ALKBH5: variants seen among roughly 807,000 people sequenced by gnomAD.
ALKBH5 encodes the protein alkB homolog 5, RNA demethylase, also known as RNA demethylase ALKBH5.
Under a neutral mutation model 32.1 loss-of-function variants are expected in ALKBH5, and 2 were observed. The ratio of observed to expected loss-of-function variants is 0.06; its 90% CI spans 0.03 to 0.20. The LOEUF (loss-of-function observed/expected upper bound fraction) is 0.20, where lower values mean the gene tolerates loss of function less well. Among genes scored for constraint, ALKBH5 ranks in the 10% least tolerant of loss-of-function variants. The probability of loss-of-function intolerance (pLI) is 1.00; values close to 1 mark genes in which losing one functional copy is unlikely to be tolerated. For synonymous variants in ALKBH5, 300 were observed against 231.7 expected, an observed-to-expected ratio of 1.29 and a Z score of -2.68; for missense variants, 352 against 559.5, an observed-to-expected ratio of 0.63 and a Z score of 3.74.
Position 18,183,954 on chromosome 17 carries a change from C to G in ALKBH5, c.-290C>G. 3.3e-6 allele frequency: 2 copies of G among 608,814 alleles called. No individual in the cohort carries two copies. Among genetic ancestry groups the G allele is most frequent in the Non-Finnish European group, 6.1e-6 (2 of 329,186 alleles). The allele number at this position is 608,814 out of a possible 1,614,324, so 37.7% of individuals were successfully genotyped here. A position where few individuals can be genotyped will look rare whatever the true frequency, so the allele number is the denominator to read the frequency against. ...CTGGTCGGGAGTCGGGCCGCGTCTC[C>G]GCAGCAGCCCTCCGCGGCATGAGGC... is the stretch of plus-strand genomic sequence containing the variant. On this transcript the variant is annotated 5_prime_UTR_variant, in exon 1 of 4. Coordinates refer to ENST00000399138, the MANE Select transcript of ALKBH5 (RefSeq NM_017758.4).
At chr17:18,203,702 G>T (rs1031571605) in intron 2 of ALKBH5, among the ~76,000 whole-genome samples, 13 of 152,226 alleles carry the variant, frequency 8.5e-5, no homozygotes, top group Admixed American at 2.6e-4. Context: ...CTTTTAACAG[G>T]GGCATGTTCT....
chr17:18,205,280 G>A (rs529983110), intron 2 of ALKBH5, among the ~76,000 whole-genome samples: 34 of 152,294 alleles, frequency 2.2e-4, no homozygotes, highest in African/African-American at 7.9e-4. Flanking sequence ...CTGAATGGCA[G>A]TGCCAAAACT....
At position 18,186,156 on chromosome 17, in the gene ALKBH5, G is replaced by T. The variant is rs548256972; in HGVS notation, c.770+1143G>T. Among the ~76,000 whole-genome samples the T allele has an allele frequency of 2.0e-3, 311 of 152,338 alleles. 1 individual carries two copies. The highest frequency in any genetic ancestry group is 4.0e-3 in the Non-Finnish European group (269 of 68,022). Reference sequence around the variant, plus strand: ...ATGTTGGGGATGGCAGCAGAGCCTTGTAATGTCCAAGACGTCCTGGTGGGA... The same window carrying T: ...ATGTTGGGGATGGCAGCAGAGCCTTTTAATGTCCAAGACGTCCTGGTGGGA... On this transcript the variant is annotated intron_variant, in intron 1 of 3. Transcript: ENST00000399138.
Position 18,183,892 on chromosome 17 carries a change from A to C in ALKBH5, c.-352A>C. Reference sequence around the variant, plus strand: ...TGGCTGCCCGTGACGTCGTGCGGAGAGCTTTAAAGTGCGGGCCGGGCCGGG... The same window carrying C: ...TGGCTGCCCGTGACGTCGTGCGGAGCGCTTTAAAGTGCGGGCCGGGCCGGG... On this transcript the variant is annotated 5_prime_UTR_variant, in exon 1 of 4. Transcript: ENST00000399138. 1 of 435,448 alleles carries C rather than the reference A, an allele frequency of 2.3e-6. No homozygotes were observed. The allele number at this position is 435,448 out of a possible 1,614,324, so 27.0% of individuals were successfully genotyped here.
intron 2 of ALKBH5, among the ~76,000 whole-genome samples, chr17:18,201,895 G>C (rs2047243494): frequency 6.6e-6 from 1 of 152,076 alleles, no homozygotes; most frequent in Non-Finnish European, 1.5e-5. Context: ...TATACCTATA[G>C]TCCGAGCTAC....
intron 2 of ALKBH5, among the ~76,000 whole-genome samples, chr17:18,196,981 G>A (rs1263528428): frequency 6.6e-6 from 1 of 152,118 alleles, no homozygotes; most frequent in East Asian, 1.9e-4. Flanking sequence ...AATTTTTTCT[G>A]GTGCATCAAC....
At chr17:18,196,647 A>T (rs77428604) in intron 2 of ALKBH5, among the ~76,000 whole-genome samples, 1 of 152,236 alleles carries the variant, frequency 6.6e-6, no homozygotes. Context: ...ATATACTATC[A>T]ATGTAACTTA....
In ALKBH5 at chr17:18,193,577, T is replaced by G. The variant is rs766464308; in HGVS notation, c.771-1378T>G. Among the ~76,000 whole-genome samples the G allele has an allele frequency of 7.9e-5, 12 of 152,124 alleles. No homozygotes were observed. In the South Asian group the frequency reaches 1.9e-3, roughly 24 times the overall value. ...AAAAAAATTAAATAAAATAAAGGTT[T>G]GTTCTATCCCCAGCATGAGCTCAAA... On this transcript the variant is annotated intron_variant, in intron 1 of 3. Transcript: ENST00000399138.
Position 18,184,052 on chromosome 17 carries a change from C to T in ALKBH5, c.-192C>T. 1.5e-6 allele frequency: 1 copy of T among 677,602 alleles called. No homozygotes were observed. The highest frequency in any genetic ancestry group is 2.7e-6 in the Non-Finnish European group (1 of 374,710). 42.0% of individuals were successfully genotyped at this position (677,602 alleles called of 1,614,324 possible). A position where few individuals can be genotyped will look rare whatever the true frequency, so the allele number is the denominator to read the frequency against. On this transcript the variant is annotated 5_prime_UTR_variant, in exon 1 of 4. Transcript: ENST00000399138. ...AGAAGCCCCGTTGTCGCCACCGTTG[C>T]ATGACCCGCCGCTCCTGAGGCCCTA...
intron 2 of ALKBH5, among the ~76,000 whole-genome samples, chr17:18,201,629 G>C (rs1450996988): frequency 2.0e-5 from 3 of 152,120 alleles, no homozygotes; most frequent in African/African-American, 7.2e-5. Flanking sequence ...GTGGTAGCAT[G>C]CATCTGTAGT....
At chr17:18,187,835 G>A (rs773341463) in intron 1 of ALKBH5, among the ~76,000 whole-genome samples, 2 of 152,200 alleles carry the variant, frequency 1.3e-5, no homozygotes, top group Non-Finnish European at 2.9e-5. Flanking sequence ...CAGTGGTGCG[G>A]TGCAGATGGG....
At chr17:18,206,052 G>T (rs1374368884) in intron 2 of ALKBH5, among the ~76,000 whole-genome samples, 2 of 152,138 alleles carry the variant, frequency 1.3e-5, no homozygotes, top group African/African-American at 4.8e-5. Context: ...GCTCCCTTCT[G>T]TTCTGGCTTC....
At chr17:18,197,942 C>CT (rs1478138306) in intron 2 of ALKBH5, among the ~76,000 whole-genome samples, 1 of 152,168 alleles carries the variant, frequency 6.6e-6, no homozygotes, top group Non-Finnish European at 1.5e-5. Flanking sequence ...GTGGGGAACT[C>CT]TAAAGTATCT....
intron 1 of ALKBH5, among the ~76,000 whole-genome samples, chr17:18,190,772 C>A (rs2142472629): frequency 6.6e-6 from 1 of 152,154 alleles, no homozygotes; most frequent in South Asian, 2.1e-4. Flanking sequence ...TCCACAAGGC[C>A]AGATGGAATA....
chr17:18,184,543 C>T lies in ALKBH5; in HGVS notation c.300C>T (p.Cys100=). The T allele has an allele frequency of 1.2e-6, 2 of 1,613,308 alleles. No individual in the cohort carries two copies. Among genetic ancestry groups the T allele is most frequent in the East Asian group, 2.2e-5 (1 of 44,890 alleles). ...RQMRLFSQDE[C]AKIEARIDEV... is the part of the protein sequence containing the mutation. The stretch of plus-strand genomic sequence containing the variant: ...TGCGCCTCTTCAGCCAGGACGAGTG[C>T]GCCAAGATCGAGGCCCGCATTGACG... Residue 100 remains cysteine, a synonymous_variant, in exon 1 of 4, where the codon TGC becomes TGT. Coordinates refer to ENST00000399138, the MANE Select transcript of ALKBH5 (RefSeq NM_017758.4).
chr17:18,205,358 G>A (rs2047263389), intron 2 of ALKBH5, among the ~76,000 whole-genome samples: 1 of 152,178 alleles, frequency 6.6e-6, no homozygotes, highest in Admixed American at 6.5e-5. Context: ...TGGAGTCTGA[G>A]ACTGAAGAGT....
At chr17:18,205,883 C>A (rs1246890455) in intron 2 of ALKBH5, among the ~76,000 whole-genome samples, 1 of 152,164 alleles carries the variant, frequency 6.6e-6, no homozygotes, top group African/African-American at 2.4e-5. Context: ...TCTAGCAGAC[C>A]CTGGAAAAGG....
At chr17:18,197,920 AAG>A (rs1181175641) in intron 2 of ALKBH5, among the ~76,000 whole-genome samples, 4 of 152,128 alleles carry the variant, frequency 2.6e-5, no homozygotes, top group Non-Finnish European at 5.9e-5. Context: ...TGAGCTGGGG[AAG>A]TGCACAGCTG....
intron 1 of ALKBH5, among the ~76,000 whole-genome samples, chr17:18,193,723 G>A (rs1024689131): frequency 6.6e-6 from 1 of 152,166 alleles, no homozygotes; most frequent in African/African-American, 2.4e-5. Flanking sequence ...TGGCCATCTT[G>A]AGGGGTCCTT....
Sources: gnomAD v4.1 joint callset for allele counts (sites outside exome capture counted in the v4.1 genomes callset) on GRCh38, gnomAD v4.1.1 for gene constraint, MANE v1.5 for transcripts, NCBI Gene and HGNC (gene_info 2026-07-23, HGNC 2026-07-21) for gene names.